LRRC58: variants seen among roughly 807,000 people sequenced by gnomAD.
LRRC58 encodes the protein leucine-rich repeat-containing protein 58.
A neutral mutation model predicts 30.6 loss-of-function variants in LRRC58; 18 were observed. The observed-to-expected ratio is 0.59, with a 90% CI of 0.41 to 0.87. The LOEUF (loss-of-function observed/expected upper bound fraction) is 0.87, where lower values mean the gene tolerates loss of function less well. LRRC58 is among the 40% of genes least tolerant of loss of function. LRRC58 has a pLI of 0.00. For missense variants in LRRC58, 420 were observed against 468.4 expected (o/e 0.90, Z 0.95); for synonymous variants, 221 against 206.0 (o/e 1.07, Z -0.62).
At chr3:120,345,930 C>T (rs926871460) in intron 1 of LRRC58, among the ~76,000 whole-genome samples, 5 of 152,132 alleles carry the variant, frequency 3.3e-5, no homozygotes, top group Admixed American at 3.3e-4. Flanking sequence ...TTTGACAAAT[C>T]CTCCTGATCA....
intron 1 of LRRC58, among the ~76,000 whole-genome samples, chr3:120,342,540 C>T (rs540664258): frequency 9.2e-5 from 14 of 152,150 alleles, no homozygotes; most frequent in South Asian, 2.1e-4. Flanking sequence ...CAGAGATATC[C>T]GAATGACTTG....
Position 120,331,138 on chromosome 3 carries a change from A to G in LRRC58, c.*62T>C. On this transcript the variant is annotated 3_prime_UTR_variant, in exon 4 of 4. Coordinates refer to ENST00000295628, the MANE Select transcript of LRRC58 (RefSeq NM_001099678.2). ...AGATTTCTAGTGAACTTCAAGCTCT[A>G]TTTTCTTGTCTAACCATTTTGCTCA... The G allele has an allele frequency of 5.0e-6, 7 of 1,403,332 alleles. No individual in the cohort carries two copies. The South Asian group carries it at 5.9e-5, about 12-fold the overall frequency. 86.9% of individuals were successfully genotyped at this position (1,403,332 alleles called of 1,614,324 possible).
chr3:120,331,411 A>G lies in LRRC58; in HGVS notation c.908-3T>C. ...GACACAGCAGTCAAAGTAGACTCCT[A>G]AAGAGAAGAAGGAATAGAAAGTAAT... On this transcript the variant is annotated splice_region_variant and splice_polypyrimidine_tract_variant and intron_variant, in intron 3 of 3. Coordinates refer to ENST00000295628, the MANE Select transcript of LRRC58 (RefSeq NM_001099678.2). The G allele has an allele frequency of 6.2e-7, 1 of 1,608,298 alleles. No homozygotes were observed. The highest frequency in any genetic ancestry group is 8.5e-7 in the Non-Finnish European group (1 of 1,174,766).
Position 120,329,411 on chromosome 3 carries a change from T to C in LRRC58, c.*1789A>G, listed in dbSNP as rs1935723883. Reference sequence around the variant, plus strand: ...ACCTATGTATTACTCTTCTAGGCAGTAGGAACATATTAGATTACCTCTATA... The same window carrying C: ...ACCTATGTATTACTCTTCTAGGCAGCAGGAACATATTAGATTACCTCTATA... On this transcript the variant is annotated 3_prime_UTR_variant, in exon 4 of 4. Coordinates refer to ENST00000295628, the MANE Select transcript of LRRC58 (RefSeq NM_001099678.2). The C allele has an allele frequency of 6.6e-6, 1 of 152,052 alleles. No individual in the cohort carries two copies. The highest frequency in any genetic ancestry group is 2.4e-5 in the African/African-American group (1 of 41,416). The allele number at this position is 152,052 out of a possible 1,614,324, so 9.4% of individuals were successfully genotyped here.
Position 120,332,790 on chromosome 3 carries a change from C to T in LRRC58, c.908-1382G>A, listed in dbSNP as rs1252347943. Reference sequence around the variant, plus strand: ...TAAGAGACAGGGTTTCACTGTGTCACCCAGGCTGGAGTGCAGTGACATGAT... The same window carrying T: ...TAAGAGACAGGGTTTCACTGTGTCATCCAGGCTGGAGTGCAGTGACATGAT... On this transcript the variant is annotated intron_variant, in intron 3 of 3. Coordinates refer to ENST00000295628, the MANE Select transcript of LRRC58 (RefSeq NM_001099678.2). Among the ~76,000 whole-genome samples the T allele has an allele frequency of 3.3e-5, 5 of 151,768 alleles. No homozygotes were observed. In the East Asian group the frequency reaches 9.6e-4, roughly 29 times the overall value.
intron 3 of LRRC58, among the ~76,000 whole-genome samples, chr3:120,334,642 G>A (rs964773177): frequency 9.2e-5 from 14 of 152,106 alleles, no homozygotes; most frequent in Admixed American, 7.9e-4. Context: ...ATTATCGTAT[G>A]TCAAGACAGG....
chr3:120,331,515 T>C, intron 3 of LRRC58, 107 bp from the exon 4 acceptor site: 2 of 816,328 alleles, frequency 2.4e-6, no homozygotes, highest in Non-Finnish European at 4.0e-6. Context: ...CATCTTCTGT[T>C]ATGAATCTTA....
chr3:120,349,166 C>T lies in LRRC58; in HGVS notation c.78G>A (p.Glu26=). 1 of 1,499,324 alleles carries T rather than the reference C, an allele frequency of 6.7e-7. No individual in the cohort carries two copies. The highest frequency in any genetic ancestry group is 8.8e-7 in the Non-Finnish European group (1 of 1,132,860). The allele number at this position is 1,499,324 out of a possible 1,614,324, so 92.9% of individuals were successfully genotyped here. A position where few individuals can be genotyped will look rare whatever the true frequency, so the allele number is the denominator to read the frequency against. Residue 26 remains glutamate (E), a synonymous_variant, in exon 1 of 4, where the codon GAG becomes GAA. Coordinates refer to ENST00000295628, the MANE Select transcript of LRRC58 (RefSeq NM_001099678.2). ...LNWSRLSVST[E]TLESELEARG... The stretch of plus-strand genomic sequence containing the variant: ...GCGCCTCCAGCTCAGACTCCAGCGT[C>T]TCGGTGGACACGCTGAGGCGGGACC...
Position 120,349,351 on chromosome 3 carries a change from A to G in LRRC58, c.-108T>C. 1 of 1,189,772 alleles carries G rather than the reference A, an allele frequency of 8.4e-7. No individual in the cohort carries two copies. Among genetic ancestry groups the G allele is most frequent in the South Asian group, 2.4e-5 (1 of 40,874 alleles). 73.7% of individuals were successfully genotyped at this position (1,189,772 alleles called of 1,614,324 possible). A position where few individuals can be genotyped will look rare whatever the true frequency, so the allele number is the denominator to read the frequency against. The stretch of plus-strand genomic sequence containing the variant: ...GAACCTGAACCGAGGGCTGAGTCGG[A>G]AGTGGCGCGGGCGGGCGCAAACCCT... On this transcript the variant is annotated 5_prime_UTR_variant, in exon 1 of 4. Coordinates refer to ENST00000295628, the MANE Select transcript of LRRC58 (RefSeq NM_001099678.2).
At position 120,348,886 on chromosome 3, in the gene LRRC58, G is replaced by T. The variant is rs1448629587; in HGVS notation, c.358C>A (p.Arg120Ser). 3.2e-6 allele frequency: 5 copies of T among 1,587,002 alleles called. No individual in the cohort carries two copies. Among genetic ancestry groups the T allele is most frequent in the Non-Finnish European group, 4.3e-6 (5 of 1,168,006 alleles). ...CTGAGGTTGAGCACCTGGAGGCTGCGGCAGAGCGGCGACTGGGCCAGGCCC... is the reference window on the plus strand; with the variant it reads ...CTGAGGTTGAGCACCTGGAGGCTGCTGCAGAGCGGCGACTGGGCCAGGCCC... ...PKGLAQSPLC[R>S]SLQVLNLSGN... is the part of the protein sequence containing the mutation. The change falls in exon 1 of 4, where the codon CGC (arginine) becomes AGC (serine). Residue 120 changes from arginine (R) to serine (S), a missense_variant. Physicochemically the swap from Arg to Ser is moderately radical, Grantham distance 110. Transcript: ENST00000295628.
At chr3:120,344,910 T>C (rs1165839808) in intron 1 of LRRC58, among the ~76,000 whole-genome samples, 1 of 152,078 alleles carries the variant, frequency 6.6e-6, no homozygotes, top group Non-Finnish European at 1.5e-5. Context: ...ACAAAAAAAA[T>C]TTTGCCCATA....
At position 120,326,457 on chromosome 3, in the gene LRRC58, C is replaced by T. The variant is rs1935674858; in HGVS notation, c.*4743G>A. 6.6e-6 allele frequency: 1 copy of T among 152,250 alleles called. No individual in the cohort carries two copies. The highest frequency in any genetic ancestry group is 2.4e-5 in the African/African-American group (1 of 41,460). The allele number at this position is 152,250 out of a possible 1,614,324, so 9.4% of individuals were successfully genotyped here. A position where few individuals can be genotyped will look rare whatever the true frequency, so the allele number is the denominator to read the frequency against. The stretch of plus-strand genomic sequence containing the variant: ...GTGCCAGGATTACTGGCGTGAGCCA[C>T]CATGCCTGGCCCAAAATTGTACACT... On this transcript the variant is annotated 3_prime_UTR_variant, in exon 4 of 4. Transcript: ENST00000295628.
chr3:120,344,191 A>T (rs1935939922), intron 1 of LRRC58, among the ~76,000 whole-genome samples: 1 of 152,226 alleles, frequency 6.6e-6, no homozygotes, highest in African/African-American at 2.4e-5. Flanking sequence ...AACAGAAAGG[A>T]AAAGAAACAG....
intron 1 of LRRC58, among the ~76,000 whole-genome samples, chr3:120,342,792 T>C (rs944906829): frequency 6.6e-6 from 1 of 152,082 alleles, no homozygotes; most frequent in African/African-American, 2.4e-5. Context: ...ATCCCAGAGA[T>C]CCCGTAACAA....
In LRRC58 at chr3:120,327,231, T is replaced by C. The variant is rs1459421413; in HGVS notation, c.*3969A>G. 2 of 150,290 alleles carry C rather than the reference T, an allele frequency of 1.3e-5. No homozygotes were observed. Among genetic ancestry groups the C allele is most frequent in the African/African-American group, 4.9e-5 (2 of 40,944 alleles). The allele number at this position is 150,290 out of a possible 1,614,324, so 9.3% of individuals were successfully genotyped here. Reference sequence around the variant, plus strand: ...TTTGGTGACTTCTCTTCTAGCCCTGTGGCTTCTAAAGATTTCTTTTTTTTT... The same window carrying C: ...TTTGGTGACTTCTCTTCTAGCCCTGCGGCTTCTAAAGATTTCTTTTTTTTT... On this transcript the variant is annotated 3_prime_UTR_variant, in exon 4 of 4. Coordinates refer to ENST00000295628, the MANE Select transcript of LRRC58 (RefSeq NM_001099678.2).
rs909481049 is a variant in LRRC58, at chr3:120,327,409, G to A, written c.*3791C>T. The A allele has an allele frequency of 6.6e-6, 1 of 150,726 alleles. No individual in the cohort carries two copies. Among genetic ancestry groups the A allele is most frequent in the African/African-American group, 2.4e-5 (1 of 40,916 alleles). 9.3% of individuals were successfully genotyped at this position (150,726 alleles called of 1,614,324 possible). ...TGGGACTACAGGCGCCCGCCATCAC[G>A]CCCGGCTAATTTTTTTTTGTATTTT... On this transcript the variant is annotated 3_prime_UTR_variant, in exon 4 of 4. Coordinates refer to ENST00000295628, the MANE Select transcript of LRRC58 (RefSeq NM_001099678.2).
At chr3:120,348,651 T>TA (rs1936007823) in intron 1 of LRRC58, 93 bp downstream of exon 1, 1 of 1,370,464 alleles carries the variant, frequency 7.3e-7, no homozygotes, top group Non-Finnish European at 9.7e-7. Flanking sequence ...TGGAAATAGT[T>TA]ACGTGACAAA....
At chr3:120,338,998 C>T (rs1935870263) in intron 1 of LRRC58, among the ~76,000 whole-genome samples, 1 of 152,122 alleles carries the variant, frequency 6.6e-6, no homozygotes, top group African/African-American at 2.4e-5. Flanking sequence ...CATTTCCTAT[C>T]CCTTTACTTA....
rs1269091809 is a variant in LRRC58 at position 120,328,025 on chromosome 3, G to A, written c.*3175C>T. 1.3e-5 allele frequency: 2 copies of A among 152,178 alleles called. No homozygotes were observed. The highest frequency in any genetic ancestry group is 2.9e-5 in the Non-Finnish European group (2 of 68,046). The allele number at this position is 152,178 out of a possible 1,614,324, so 9.4% of individuals were successfully genotyped here. ...GCCTCCCAAAGTGCTAAGATTATAG[G>A]TGTGTGCCACCGTGCCAAGTCTTTA... is the stretch of plus-strand genomic sequence containing the variant. On this transcript the variant is annotated 3_prime_UTR_variant, in exon 4 of 4. Coordinates refer to ENST00000295628, the MANE Select transcript of LRRC58 (RefSeq NM_001099678.2).
Sources: gnomAD v4.1 joint callset for allele counts (sites outside exome capture counted in the v4.1 genomes callset) on GRCh38, gnomAD v4.1.1 for gene constraint, MANE v1.5 for transcripts, NCBI Gene and HGNC (gene_info 2026-07-23, HGNC 2026-07-21) for gene names.